The following THSD7A variants were observed in gnomAD, a reference collection of about 807,000 sequenced individuals.
THSD7A encodes thrombospondin type-1 domain-containing protein 7A.
In THSD7A, 96 loss-of-function variants were observed where a neutral mutation model predicts 231.3. The ratio of observed to expected loss-of-function variants is 0.41; its 90% CI spans 0.35 to 0.49. THSD7A has a LOEUF of 0.49. Ranked by LOEUF, THSD7A falls within the 20% of genes least tolerant of loss-of-function variation. THSD7A has a pLI of 0.05. For missense variants in THSD7A, 2,290 were observed against 2,070.2 expected (o/e 1.11, Z -2.06); for synonymous variants, 940 against 743.3 (o/e 1.26, Z -4.30).
At chr7:11,717,377 T>A (rs1781176563) in intron 1 of THSD7A, among the ~76,000 whole-genome samples, 2 of 151,664 alleles carry the variant, frequency 1.3e-5, no homozygotes, top group Admixed American at 6.6e-5. Context: ...TTTGTTTCTC[T>A]ATCCTTCTAT....
At chr7:11,687,838 C>T (rs1340379502) in intron 1 of THSD7A, among the ~76,000 whole-genome samples, 1 of 151,568 alleles carries the variant, frequency 6.6e-6, no homozygotes, top group Non-Finnish European at 1.5e-5. Context: ...CTCAACTCTG[C>T]TGTCAGTTAA....
At chr7:11,812,974 G>T (rs1784576216) in intron 1 of THSD7A, among the ~76,000 whole-genome samples, 2 of 152,148 alleles carry the variant, frequency 1.3e-5, no homozygotes, top group Admixed American at 1.3e-4. Flanking sequence ...ATGTATGCAT[G>T]AGTGCTTGGG....
chr7:11,740,947 T>C (rs960668672), intron 1 of THSD7A, among the ~76,000 whole-genome samples: 48 of 151,980 alleles, frequency 3.2e-4, no homozygotes, highest in African/African-American at 1.1e-3. Context: ...TAACGCTGTT[T>C]ATGTGAAAAA....
rs145285935 is a variant in THSD7A at position 11,585,099 on chromosome 7, T to C, written c.1453+5361A>G. Among the ~76,000 whole-genome samples the C allele has an allele frequency of 1.5e-3, 233 of 152,326 alleles. 3 individuals carry two copies. The highest frequency in any genetic ancestry group is 3.4e-3 in the Middle Eastern group (1 of 294). On this transcript the variant is annotated intron_variant, in intron 4 of 27. Transcript: ENST00000423059. ...CTGACTTCTGAGCTGCCTCATGATA[T>C]GTTTCTTTGCCTTTTTGGTTGAATA... is the stretch of plus-strand genomic sequence containing the variant.
intron 6 of THSD7A, among the ~76,000 whole-genome samples, chr7:11,540,626 T>C (rs1486520124): frequency 6.6e-6 from 1 of 152,212 alleles, no homozygotes; most frequent in Non-Finnish European, 1.5e-5. Flanking sequence ...CCAGAGGTTT[T>C]AAAGTATGTC....
intron 11 of THSD7A, among the ~76,000 whole-genome samples, chr7:11,458,904 C>T (rs557244162): frequency 2.0e-5 from 3 of 152,082 alleles, no homozygotes; most frequent in Non-Finnish European, 4.4e-5. Flanking sequence ...AAGAAATTAA[C>T]GTTTAATGAA....
rs1473492189 is a variant in THSD7A, at chr7:11,372,846, T to G, written c.*2948A>C. 1 of 152,072 alleles carries G rather than the reference T, an allele frequency of 6.6e-6. No individual in the cohort carries two copies. Among genetic ancestry groups the G allele is most frequent in the Admixed American group, 6.6e-5 (1 of 15,238 alleles). 9.4% of individuals were successfully genotyped at this position (152,072 alleles called of 1,614,324 possible). On this transcript the variant is annotated 3_prime_UTR_variant, in exon 28 of 28. Transcript: ENST00000423059. ...AAATATTTAACTCATTATTGTCTCA[T>G]GTCAGAAACAAAAATAAGGCCATTT...
At chr7:11,675,373 T>C (rs1783595676) in intron 1 of THSD7A, among the ~76,000 whole-genome samples, 1 of 150,088 alleles carries the variant, frequency 6.7e-6, no homozygotes. Flanking sequence ...GTTGCAGGAG[T>C]TTTTCATACC....
chr7:11,497,100 GA>G (rs768523523), intron 6 of THSD7A, among the ~76,000 whole-genome samples: 1 of 152,152 alleles, frequency 6.6e-6, no homozygotes, highest in Non-Finnish European at 1.5e-5. Flanking sequence ...GGTGGAAGGG[GA>G]AGCAAACACA....
intron 10 of THSD7A, 21 bp downstream of exon 10, chr7:11,461,990 G>T: frequency 6.2e-7 from 1 of 1,609,098 alleles, no homozygotes. Context: ...CCTCCCTCAC[G>T]ATGCATTTCT....
At chr7:11,697,003 G>A (rs577763879) in intron 1 of THSD7A, among the ~76,000 whole-genome samples, 2 of 151,336 alleles carry the variant, frequency 1.3e-5, no homozygotes, top group Non-Finnish European at 3.0e-5. Context: ...TTAAATAGTG[G>A]CAATGGATTC....
intron 1 of THSD7A, among the ~76,000 whole-genome samples, chr7:11,740,113 T>A (rs1782058095): frequency 1.3e-5 from 2 of 151,908 alleles, no homozygotes; most frequent in Non-Finnish European, 2.9e-5. Flanking sequence ...CAACTCCAGA[T>A]TATGCTTACA....
intron 4 of THSD7A, among the ~76,000 whole-genome samples, chr7:11,548,471 CA>C (rs1188840307): frequency 4.6e-5 from 7 of 151,984 alleles, no homozygotes; most frequent in African/African-American, 9.6e-5. Context: ...AAAACTATTC[CA>C]AAAAATTAAG....
Position 11,565,582 on chromosome 7 carries a change from G to A in THSD7A, c.1454-22465C>T, listed in dbSNP as rs76424261. Among the ~76,000 whole-genome samples, 1,126 of 151,992 alleles carry A rather than the reference G, an allele frequency of 7.4e-3. 14 individuals are homozygous for A. Among genetic ancestry groups the A allele is most frequent in the African/African-American group, 0.026 (1,067 of 41,382 alleles). ...AGGGGTCAGATAAATATTGAAAGCA[G>A]AGTCAGGAAAATTTTCTAAGGAAAT... On this transcript the variant is annotated intron_variant, in intron 4 of 27. Transcript: ENST00000423059.
At chr7:11,726,284 T>C (rs1449175600) in intron 1 of THSD7A, among the ~76,000 whole-genome samples, 2 of 151,926 alleles carry the variant, frequency 1.3e-5, no homozygotes, top group Non-Finnish European at 2.9e-5. Context: ...AATGAACCTT[T>C]CTATTAATAA....
At chr7:11,391,929 C>A (rs766571656) in intron 23 of THSD7A, among the ~76,000 whole-genome samples, 2 of 152,130 alleles carry the variant, frequency 1.3e-5, no homozygotes, top group South Asian at 4.1e-4. Context: ...GCTGCACCCA[C>A]TGTCCAACGA....
chr7:11,561,229 A>G (rs555040819), intron 4 of THSD7A, among the ~76,000 whole-genome samples: 1 of 152,318 alleles, frequency 6.6e-6, no homozygotes, highest in African/African-American at 2.4e-5. Flanking sequence ...ACACATATGC[A>G]TATTTATTTA....
chr7:11,766,350 T>A (rs1783028466), intron 1 of THSD7A, among the ~76,000 whole-genome samples: 1 of 152,186 alleles, frequency 6.6e-6, no homozygotes, highest in Non-Finnish European at 1.5e-5. Flanking sequence ...ATTTTATCAA[T>A]AATACATCTA....
rs200377056 is a variant in THSD7A, at chr7:11,590,503, G to C, written c.1410C>G (p.Asn470Lys). The C allele has an allele frequency of 1.2e-6, 2 of 1,612,830 alleles. No homozygotes were observed. The highest frequency in any genetic ancestry group is 1.3e-5 in the African/African-American group (1 of 74,940). The change falls in exon 4 of 28, where the codon AAC becomes AAG. Residue 470 changes from asparagine (N) to lysine (K), a missense_variant. Physicochemically the swap from Asn to Lys is moderately conservative, Grantham distance 94. Coordinates refer to ENST00000423059, the MANE Select transcript of THSD7A (RefSeq NM_015204.3). This position sits in a 1 kb window ranked among gnomAD's most constrained non-coding sequence, Gnocchi z 4.4. ...TACTTAATTGTGAGAGGAGGTTTTC[G>C]TTGGCCTGCACGCAGTACACCTCTC... Reference protein sequence around the residue: ...QTREVYCVQANENLLSQLSTH... With the variant: ...QTREVYCVQAKENLLSQLSTH...
Sources: allele counts gnomAD v4.1 joint callset (sites outside exome capture counted in the v4.1 genomes callset), GRCh38; gene constraint gnomAD v4.1.1; non-coding constraint Gnocchi (gnomAD v3.1); transcripts MANE v1.5; gene names NCBI Gene and HGNC (gene_info 2026-07-23, HGNC 2026-07-21).